Variants in TMCO5A observed in about 807,000 individuals in gnomAD.
The protein encoded by TMCO5A is transmembrane and coiled-coil domains 5A, also known as transmembrane and coiled-coil domain-containing protein 5A.
A neutral mutation model predicts 42.3 loss-of-function variants in TMCO5A; 34 were observed. The ratio of observed to expected loss-of-function variants is 0.80; its 90% CI spans 0.61 to 1.07. TMCO5A has a LOEUF of 1.07. TMCO5A is among the 50% of genes least tolerant of loss of function. TMCO5A has a pLI of 0.00. For synonymous variants in TMCO5A, 131 were observed against 115.6 expected, an observed-to-expected ratio of 1.13 and a Z score of -0.86; for missense variants, 357 against 327.9, an observed-to-expected ratio of 1.09 and a Z score of -0.69.
intron 11 of TMCO5A, among the ~76,000 whole-genome samples, chr15:37,959,594 C>T (rs532393859): frequency 7.9e-5 from 12 of 152,122 alleles, no homozygotes; most frequent in Non-Finnish European, 1.3e-4. Flanking sequence ...ACCCTATGTT[C>T]ATTTCAATTG....
the TMCO5A span, among the ~76,000 whole-genome samples, chr15:37,975,609 T>C: frequency 6.6e-6 from 1 of 151,240 alleles, no homozygotes; most frequent in African/African-American, 2.5e-5. Flanking sequence ...TCCATCCCTT[T>C]ACTTTAAGTC....
At chr15:37,963,930 T>C (rs773703048) in intron 11 of TMCO5A, among the ~76,000 whole-genome samples, 5 of 152,196 alleles carry the variant, frequency 3.3e-5, no homozygotes, top group Admixed American at 6.6e-5. Flanking sequence ...TTCCTTGCAT[T>C]GGGCTTTGCC....
chr15:37,953,267 T>C (rs1172213958), downstream of TMCO5A, among the ~76,000 whole-genome samples: 2 of 152,108 alleles, frequency 1.3e-5, no homozygotes, highest in Non-Finnish European at 2.9e-5. Flanking sequence ...TAAGACCCAG[T>C]GCTGTGCTGG....
downstream of TMCO5A, among the ~76,000 whole-genome samples, chr15:37,971,924 A>C (rs1890680857): frequency 6.6e-6 from 1 of 152,230 alleles, no homozygotes; most frequent in Non-Finnish European, 1.5e-5. Flanking sequence ...AAACTTCCCC[A>C]CATTTTCCTG....
At chr15:38,023,298 G>C in the TMCO5A span, among the ~76,000 whole-genome samples, 1 of 152,140 alleles carries the variant, frequency 6.6e-6, no homozygotes, top group Admixed American at 6.6e-5. Context: ...TTTCACTCCT[G>C]AATCTGCAAT....
At chr15:37,991,059 T>C in the TMCO5A span, among the ~76,000 whole-genome samples, 1 of 152,120 alleles carries the variant, frequency 6.6e-6, no homozygotes, top group Non-Finnish European at 1.5e-5. Context: ...TCCATAATAC[T>C]AGCTTTTAGA....
At chr15:37,956,412 C>A (rs1263009829), downstream of TMCO5A, among the ~76,000 whole-genome samples, 1 of 152,138 alleles carries the variant, frequency 6.6e-6, no homozygotes, top group Middle Eastern at 3.2e-3. Context: ...AAGGGGATAT[C>A]ACCACTGATC....
the TMCO5A span, among the ~76,000 whole-genome samples, chr15:37,996,302 A>G: frequency 1.3e-5 from 2 of 152,220 alleles, no homozygotes; most frequent in Non-Finnish European, 2.9e-5. Context: ...TTGGGTTCTA[A>G]TAAGTGTTGC....
chr15:37,942,234 C>G lies in TMCO5A; in HGVS notation c.548C>G (p.Ala183Gly). The stretch of plus-strand genomic sequence containing the variant: ...AAGAAAATAGAAGAAGAACTAGAGG[C>G]TCTGTTCCTTGAGAGAGAAGTGTGA... ...TLKKIEEELE[A>G]LFLEREVSKL... Residue 183 changes from alanine (A) to glycine (G), a missense_variant, in exon 9 of 12, where the codon GCT becomes GGT. Coordinates refer to ENST00000319669, the MANE Select transcript of TMCO5A (RefSeq NM_152453.4). The G allele has an allele frequency of 6.2e-7, 1 of 1,612,934 alleles. No individual in the cohort carries two copies. The highest frequency in any genetic ancestry group is 8.5e-7 in the Non-Finnish European group (1 of 1,179,238).
chr15:37,995,933 T>C, the TMCO5A span, among the ~76,000 whole-genome samples: 2 of 152,066 alleles, frequency 1.3e-5, no homozygotes, highest in African/African-American at 2.4e-5. Flanking sequence ...TTCTCAGTCT[T>C]GCAAGAAGAA....
chr15:37,998,103 G>A, the TMCO5A span, among the ~76,000 whole-genome samples: 13 of 150,580 alleles, frequency 8.6e-5, no homozygotes, highest in East Asian at 1.4e-3. Flanking sequence ...CCTATTAATC[G>A]CTTGTCAGAT....
At chr15:37,983,719 G>GTTTTTTTTTT in the TMCO5A span, among the ~76,000 whole-genome samples, 1 of 138,960 alleles carries the variant, frequency 7.2e-6, no homozygotes, top group Non-Finnish European at 1.6e-5. Flanking sequence ...TCTTTTTACT[G>GTTTTTTTTTT]TTTTTTTTTT....
chr15:37,957,007 A>T (rs1419953712), intron 11 of TMCO5A, among the ~76,000 whole-genome samples: 1 of 152,246 alleles, frequency 6.6e-6, no homozygotes, highest in Non-Finnish European at 1.5e-5. Context: ...TTATCTCAAC[A>T]GATGCAGAAA....
chr15:37,943,853 G>A lies in TMCO5A; in HGVS notation c.627+455G>A, dbSNP rs79417673. ...GAATTGGCCTGTGAGTTAAAACATA[G>A]AACGCTATTGCTTCTTTGTGACAGA... On this transcript the variant is annotated intron_variant, in intron 10 of 11. Coordinates refer to ENST00000319669, the MANE Select transcript of TMCO5A (RefSeq NM_152453.4). The A allele has an allele frequency of 9.0e-3, 1,414 of 156,362 alleles. 30 individuals carry two copies. Among genetic ancestry groups the A allele is most frequent in the African/African-American group, 0.032 (1,344 of 41,560 alleles). 9.7% of individuals were successfully genotyped at this position (156,362 alleles called of 1,614,324 possible).
chr15:38,011,433 C>T, the TMCO5A span, among the ~76,000 whole-genome samples: 1 of 152,088 alleles, frequency 6.6e-6, no homozygotes, highest in African/African-American at 2.4e-5. Flanking sequence ...TGGTGGAAGT[C>T]AACACCTTTT....
At chr15:37,994,896 G>C in the TMCO5A span, among the ~76,000 whole-genome samples, 1 of 152,326 alleles carries the variant, frequency 6.6e-6, no homozygotes, top group African/African-American at 2.4e-5. Context: ...GCTCATCAAA[G>C]AGAGCAAACG....
the TMCO5A span, among the ~76,000 whole-genome samples, chr15:38,037,304 A>G: frequency 6.2e-4 from 95 of 152,352 alleles, no homozygotes; most frequent in African/African-American, 2.0e-3. Context: ...CAATGTATGC[A>G]TTACACTTAC....
At chr15:37,949,952 C>T (rs527252079) in intron 11 of TMCO5A, among the ~76,000 whole-genome samples, 12 of 152,148 alleles carry the variant, frequency 7.9e-5, no homozygotes, top group Non-Finnish European at 1.2e-4. Flanking sequence ...AGGTAACTAA[C>T]TCACACATCT....
At chr15:37,977,719 G>C in the TMCO5A span, among the ~76,000 whole-genome samples, 15 of 152,216 alleles carry the variant, frequency 9.9e-5, no homozygotes, top group African/African-American at 3.1e-4. Context: ...CAGCCTTTAT[G>C]TTGCCTGCCT....
Sources: allele counts gnomAD v4.1 joint callset (sites outside exome capture counted in the v4.1 genomes callset), GRCh38; gene constraint gnomAD v4.1.1; transcripts MANE v1.5; gene names NCBI Gene and HGNC (gene_info 2026-07-23, HGNC 2026-07-21).